Variants in FBXL7 observed in about 807,000 individuals in gnomAD.
FBXL7 encodes F-box/LRR-repeat protein 7.
A neutral mutation model predicts 38.3 loss-of-function variants in FBXL7; 12 were observed. The observed-to-expected ratio is 0.31, with a 90% CI of 0.20 to 0.51. FBXL7 has a LOEUF of 0.51. FBXL7 is among the 20% of genes least tolerant of loss of function. The pLI, the probability that FBXL7 is intolerant of heterozygous loss-of-function variation, is 0.98. For missense variants in FBXL7, 567 were observed against 676.4 expected (o/e 0.84, Z 1.79); for synonymous variants, 297 against 300.9 (o/e 0.99, Z 0.13).
chr5:15,580,466 G>A (rs947183009), intron 1 of FBXL7, among the ~76,000 whole-genome samples: 2 of 152,058 alleles, frequency 1.3e-5, no homozygotes, highest in Admixed American at 6.5e-5. Context: ...GATCGTGTGT[G>A]GTCATCTTTG....
At chr5:15,556,651 A>G (rs138151964) in intron 1 of FBXL7, among the ~76,000 whole-genome samples, 74 of 152,324 alleles carry the variant, frequency 4.9e-4, no homozygotes, top group African/African-American at 1.7e-3. Context: ...GAGTACTCAG[A>G]ACAGAATTAA....
intron 1 of FBXL7, among the ~76,000 whole-genome samples, chr5:15,518,257 G>A (rs761424924): frequency 3.0e-4 from 45 of 152,180 alleles, no homozygotes; most frequent in African/African-American, 6.7e-4. Context: ...ATGAGCCACC[G>A]TGCCCGGCCA....
intron 2 of FBXL7, among the ~76,000 whole-genome samples, chr5:15,687,290 T>C (rs1395324524): frequency 1.3e-5 from 2 of 152,274 alleles, no homozygotes; most frequent in African/African-American, 4.8e-5. Context: ...CCTTTTCCTT[T>C]TCAGACATCT....
At chr5:15,860,664 CT>C (rs1240195200) in intron 2 of FBXL7, among the ~76,000 whole-genome samples, 3 of 152,148 alleles carry the variant, frequency 2.0e-5, no homozygotes, top group Non-Finnish European at 4.4e-5. Context: ...CTTAACCTGG[CT>C]TTTTAGTTCC....
intron 1 of FBXL7, among the ~76,000 whole-genome samples, chr5:15,585,336 T>C (rs997636228): frequency 5.3e-5 from 8 of 152,192 alleles, no homozygotes; most frequent in Admixed American, 3.9e-4. Flanking sequence ...ATGAGTCATA[T>C]AAAAGATAAG....
intron 2 of FBXL7, among the ~76,000 whole-genome samples, chr5:15,680,816 T>G (rs1476898271): frequency 1.3e-5 from 2 of 152,206 alleles, no homozygotes; most frequent in Non-Finnish European, 2.9e-5. Context: ...AAGTGCCTTC[T>G]CTCTTCATAA....
chr5:15,557,562 G>T (rs1486697601), intron 1 of FBXL7, among the ~76,000 whole-genome samples: 1 of 152,208 alleles, frequency 6.6e-6, no homozygotes, highest in African/African-American at 2.4e-5. Flanking sequence ...ATAAAAAAGA[G>T]CCTTATTTTA....
chr5:15,876,479 AT>A (rs545455724), intron 2 of FBXL7, among the ~76,000 whole-genome samples: 343 of 152,270 alleles, frequency 2.3e-3, no homozygotes, highest in Middle Eastern at 0.01. Flanking sequence ...AAAATATGAC[AT>A]TTTAGTTGAT....
chr5:15,741,381 A>G (rs1405504808), intron 2 of FBXL7, among the ~76,000 whole-genome samples: 1 of 152,214 alleles, frequency 6.6e-6, no homozygotes, highest in African/African-American at 2.4e-5. Flanking sequence ...GCGTTTGTGT[A>G]TATTCTTGCA....
At chr5:15,703,448 A>G (rs910322381) in intron 2 of FBXL7, among the ~76,000 whole-genome samples, 1 of 152,244 alleles carries the variant, frequency 6.6e-6, no homozygotes, top group African/African-American at 2.4e-5. Context: ...TAATACTGAC[A>G]TAAAATTAAG....
intron 2 of FBXL7, among the ~76,000 whole-genome samples, chr5:15,814,515 T>G (rs772549683): frequency 7.2e-5 from 11 of 152,186 alleles, no homozygotes; most frequent in Non-Finnish European, 1.3e-4. Context: ...CCATGGCACA[T>G]GTATACCTAT....
intron 2 of FBXL7, among the ~76,000 whole-genome samples, chr5:15,882,950 A>G (rs1740519842): frequency 8.4e-6 from 1 of 119,228 alleles, no homozygotes; most frequent in Non-Finnish European, 1.7e-5. Flanking sequence ...TTTCTGATAT[A>G]TCACTTTAAT....
chr5:15,590,565 T>C (rs1258640304), intron 1 of FBXL7, among the ~76,000 whole-genome samples: 1 of 152,166 alleles, frequency 6.6e-6, no homozygotes, highest in Non-Finnish European at 1.5e-5. Flanking sequence ...TCTGTGGTTG[T>C]TGAATGCTCA....
intron 2 of FBXL7, among the ~76,000 whole-genome samples, chr5:15,762,510 G>A (rs1374493335): frequency 6.6e-6 from 1 of 152,146 alleles, no homozygotes; most frequent in African/African-American, 2.4e-5. Flanking sequence ...TAGATTTAAA[G>A]TTCTGTATTC....
chr5:15,673,776 ATTAT>A (rs1274857786), intron 2 of FBXL7, among the ~76,000 whole-genome samples: 1 of 151,700 alleles, frequency 6.6e-6, no homozygotes, highest in African/African-American at 2.4e-5. Context: ...AATTATTATT[ATTAT>A]TTTTTTTTTT....
chr5:15,881,375 A>T (rs908588430), intron 2 of FBXL7, among the ~76,000 whole-genome samples: 2 of 152,144 alleles, frequency 1.3e-5, no homozygotes, highest in African/African-American at 4.8e-5. Flanking sequence ...TTTATGGCTG[A>T]ATAGTATTTT....
At chr5:15,840,649 C>T (rs1348266060) in intron 2 of FBXL7, among the ~76,000 whole-genome samples, 1 of 151,994 alleles carries the variant, frequency 6.6e-6, no homozygotes, top group Non-Finnish European at 1.5e-5. Flanking sequence ...GGGATGGAGA[C>T]CATCCTGGCC....
At chr5:15,714,636 C>T (rs540741129) in intron 2 of FBXL7, among the ~76,000 whole-genome samples, 5 of 152,196 alleles carry the variant, frequency 3.3e-5, no homozygotes, top group Middle Eastern at 3.4e-3. Flanking sequence ...GGGTGGATCA[C>T]GAGGTCAGGA....
chr5:15,938,171 T>A lies in FBXL7; in HGVS notation c.*985T>A, dbSNP rs1280310375. The A allele has an allele frequency of 6.6e-6, 1 of 152,152 alleles. No homozygotes were observed. Among genetic ancestry groups the A allele is most frequent in the Non-Finnish European group, 1.5e-5 (1 of 68,046 alleles). 9.4% of individuals were successfully genotyped at this position (152,152 alleles called of 1,614,324 possible). ...CTGTCGTCTCTGTACACAAATACTTTCTGCATTCCCCCCTCCACACCATCC... is the reference window on the plus strand; with the variant it reads ...CTGTCGTCTCTGTACACAAATACTTACTGCATTCCCCCCTCCACACCATCC... On this transcript the variant is annotated 3_prime_UTR_variant, in exon 4 of 4. Coordinates refer to ENST00000504595, the MANE Select transcript of FBXL7 (RefSeq NM_012304.5).
Sources: gnomAD v4.1 joint callset for allele counts (sites outside exome capture counted in the v4.1 genomes callset) on GRCh38, gnomAD v4.1.1 for gene constraint, MANE v1.5 for transcripts, NCBI Gene and HGNC (gene_info 2026-07-23, HGNC 2026-07-21) for gene names.